The following NRXN3 variants were observed in gnomAD, a reference collection of about 807,000 sequenced individuals.
NRXN3 encodes the protein neurexin 3, also known as neurexin III.
NRXN3 carries 32 observed loss-of-function variants against 137.6 expected under a neutral mutation model. The ratio of observed to expected loss-of-function variants is 0.23; its 90% CI spans 0.18 to 0.31. The LOEUF is 0.31. Among genes scored for constraint, NRXN3 ranks in the 10% least tolerant of loss-of-function variants. NRXN3 has a pLI of 1.00. For synonymous variants in NRXN3, 798 were observed against 784.5 expected (o/e 1.02, Z -0.29); for missense variants, 1,574 against 2,062.5 (o/e 0.76, Z 4.59).
chr14:78,308,468 C>T (rs1192825321), intron 4 of NRXN3, among the ~76,000 whole-genome samples: 2 of 152,100 alleles, frequency 1.3e-5, no homozygotes, highest in Admixed American at 6.6e-5. Flanking sequence ...GCCTGCTTTT[C>T]TCTGTACTTT....
chr14:79,635,665 G>A (rs546607662), intron 16 of NRXN3, among the ~76,000 whole-genome samples: 2 of 152,270 alleles, frequency 1.3e-5, no homozygotes, highest in African/African-American at 4.8e-5. Flanking sequence ...ATCTCTGCCT[G>A]TGTCATCAAA....
intron 5 of NRXN3, chr14:78,649,182 C>A: frequency 1.1e-6 from 1 of 885,070 alleles, no homozygotes; most frequent in Non-Finnish European, 1.7e-6. Context: ...AACACCCTAA[C>A]GACTCATCTT....
intron 16 of NRXN3, among the ~76,000 whole-genome samples, chr14:79,510,115 C>G (rs1485426732): frequency 3.3e-5 from 5 of 152,142 alleles, no homozygotes; most frequent in Admixed American, 3.3e-4. Context: ...AATTGTAAAC[C>G]AAGAGCTTCT....
intron 19 of NRXN3, among the ~76,000 whole-genome samples, chr14:79,729,321 G>GT (rs2098912556): frequency 6.6e-6 from 1 of 152,056 alleles, no homozygotes; most frequent in South Asian, 2.1e-4. Flanking sequence ...TTGGATTCAA[G>GT]TTTTTCCTAT....
In NRXN3 at chr14:79,641,299, C is replaced by T. The variant is rs145851314; in HGVS notation, c.3445-22479C>T. ...CTGGGATTACAGGCATGAGCCACCG[C>T]GCTCGGCCTCTTCTTTACTATAGAG... On this transcript the variant is annotated intron_variant, in intron 16 of 20. Coordinates refer to ENST00000335750, the MANE Select transcript of NRXN3 (RefSeq NM_001330195.2). 2.7e-4 allele frequency among the ~76,000 whole-genome samples: 36 copies of T among 135,528 alleles called. 2 individuals carry two copies. The East Asian group carries it at 6.3e-3, about 24-fold the overall frequency. 88.9% of individuals were successfully genotyped at this position (135,528 alleles called of 152,430 possible).
intron 4 of NRXN3, among the ~76,000 whole-genome samples, chr14:78,334,035 T>C (rs1356654030): frequency 6.6e-6 from 1 of 152,114 alleles, no homozygotes; most frequent in East Asian, 1.9e-4. Flanking sequence ...AAGAGAGGGA[T>C]CAGTGAGAAC....
At chr14:79,002,514 C>A (rs1047684539) in intron 15 of NRXN3, among the ~76,000 whole-genome samples, 1 of 152,140 alleles carries the variant, frequency 6.6e-6, no homozygotes, top group African/African-American at 2.4e-5. Context: ...TAATGGCTTC[C>A]AGCTTCATCT....
At chr14:78,252,851 G>A (rs534613627) in intron 2 of NRXN3, among the ~76,000 whole-genome samples, 4 of 152,342 alleles carry the variant, frequency 2.6e-5, no homozygotes, top group Admixed American at 1.3e-4. Context: ...GTACCCACTT[G>A]CGAGGAGGGA....
At chr14:78,591,406 C>T (rs2097114849) in intron 4 of NRXN3, among the ~76,000 whole-genome samples, 1 of 152,080 alleles carries the variant, frequency 6.6e-6, no homozygotes, top group African/African-American at 2.4e-5. Context: ...GGGCTGTGGA[C>T]CACATTTTGA....
At chr14:79,697,595 G>A in intron 18 of NRXN3, 35 bp from the exon 19 acceptor site, 1 of 1,591,736 alleles carries the variant, frequency 6.3e-7, no homozygotes, top group Non-Finnish European at 8.6e-7. Context: ...GAAAACGTAT[G>A]AGAATAATAA....
chr14:78,300,274 C>A (rs768641773), intron 4 of NRXN3, among the ~76,000 whole-genome samples: 7 of 152,204 alleles, frequency 4.6e-5, no homozygotes, highest in African/African-American at 1.7e-4. Flanking sequence ...CCTAGCTTCT[C>A]CGAGATGTCC....
At chr14:79,747,112 T>C (rs905509479) in intron 19 of NRXN3, among the ~76,000 whole-genome samples, 5 of 152,040 alleles carry the variant, frequency 3.3e-5, no homozygotes, top group African/African-American at 1.2e-4. Flanking sequence ...CAAGTTGAAA[T>C]GGAGTCAGAA....
At chr14:78,734,495 G>T (rs897227222) in intron 8 of NRXN3, among the ~76,000 whole-genome samples, 2 of 152,162 alleles carry the variant, frequency 1.3e-5, no homozygotes, top group Admixed American at 1.3e-4. Context: ...GAGGTACAAT[G>T]GTGGGCAAAA....
At chr14:79,800,983 T>A (rs542787853) in intron 19 of NRXN3, among the ~76,000 whole-genome samples, 1 of 152,282 alleles carries the variant, frequency 6.6e-6, no homozygotes, top group East Asian at 1.9e-4. Context: ...TTTTTGCAAA[T>A]TAAGGCCTCT....
chr14:78,638,001 C>A (rs1375011206), intron 4 of NRXN3, among the ~76,000 whole-genome samples: 1 of 152,170 alleles, frequency 6.6e-6, no homozygotes, highest in Non-Finnish European at 1.5e-5. Context: ...ATACCATTAG[C>A]TTTCTAGTGA....
intron 4 of NRXN3, among the ~76,000 whole-genome samples, chr14:78,549,864 C>T (rs1267292564): frequency 6.6e-6 from 1 of 151,880 alleles, no homozygotes; most frequent in Non-Finnish European, 1.5e-5. Flanking sequence ...CCTTCCTTTT[C>T]TCTCATCTAT....
chr14:78,386,776 T>C (rs2090028674), intron 4 of NRXN3, among the ~76,000 whole-genome samples: 1 of 152,058 alleles, frequency 6.6e-6, no homozygotes, highest in South Asian at 2.1e-4. Context: ...GTTTATATTG[T>C]TTCTCTTTTT....
At chr14:79,738,315 C>CCCCA in intron 19 of NRXN3, among the ~76,000 whole-genome samples, 2 of 138,052 alleles carry the variant, frequency 1.4e-5, no homozygotes, top group South Asian at 4.9e-4. Flanking sequence ...ATTTCCCCCG[C>CCCCA]CACACACACA....
chr14:78,966,317 C>A lies in NRXN3; in HGVS notation c.2688C>A (p.Phe896Leu). 2 of 1,614,210 alleles carry A rather than the reference C, an allele frequency of 1.2e-6. No individual in the cohort carries two copies. The highest frequency in any genetic ancestry group is 1.7e-6 in the Non-Finnish European group (2 of 1,180,032). Residue 896 changes from phenylalanine to leucine, a missense_variant, in exon 12 of 21, where the codon TTC becomes TTA. Phe to Leu is a conservative substitution (Grantham distance 22). Around this residue, in one of 5 missense-constraint regions of NRXN3, gnomAD observed 718 missense variants for 887.6 expected, o/e 0.81. Transcript: ENST00000335750. ...AGGCTTACACCTCCATGCACCTCTT[C>A]TTCCAGTTCAAGACCACCTCACCAG... The part of the protein sequence containing the change: ...TLQAYTSMHL[F>L]FQFKTTSPDG...
Sources: allele counts gnomAD v4.1 joint callset (sites outside exome capture counted in the v4.1 genomes callset), GRCh38; gene constraint gnomAD v4.1.1; regional missense constraint gnomAD v4.1.1; transcripts MANE v1.5; gene names NCBI Gene and HGNC (gene_info 2026-07-23, HGNC 2026-07-21).